LNX1: variants seen among roughly 807,000 people sequenced by gnomAD.
LNX1 encodes the protein E3 ubiquitin-protein ligase LNX.
LNX1 carries 54 observed loss-of-function variants against 68.4 expected under a neutral mutation model. That is an observed-to-expected ratio of 0.79 (90% CI 0.63 to 0.99). The LOEUF is 0.99. LNX1 is among the 50% of genes least tolerant of loss of function. The pLI, the probability that LNX1 is intolerant of heterozygous loss-of-function variation, is 0.00. For synonymous variants in LNX1, 336 were observed against 350.0 expected, an observed-to-expected ratio of 0.96 and a Z score of 0.45; for missense variants, 906 against 926.4, an observed-to-expected ratio of 0.98 and a Z score of 0.29.
In LNX1 at chr4:53,461,044, TAAA is replaced by T; in HGVS notation, c.2052-5_2052-3del. 8.5e-7 allele frequency: 1 copy of T among 1,172,678 alleles called. No individual in the cohort carries two copies. Among genetic ancestry groups the T allele is most frequent in the Non-Finnish European group, 1.2e-6 (1 of 852,528 alleles). 72.6% of individuals were successfully genotyped at this position (1,172,678 alleles called of 1,614,324 possible). On this transcript the variant is annotated splice_polypyrimidine_tract_variant and splice_region_variant and intron_variant, in intron 10 of 10. Coordinates refer to ENST00000263925, the MANE Select transcript of LNX1 (RefSeq NM_001126328.3). ...ACAGCAAGAAGAATATCACCACATC[TAAA>T]AAAAAAAACAAAACAAGATATGATT... is the stretch of plus-strand genomic sequence containing the variant.
upstream of LNX1, among the ~76,000 whole-genome samples, chr4:53,620,644 A>G (rs1329397345): frequency 6.6e-6 from 1 of 152,186 alleles, no homozygotes; most frequent in Non-Finnish European, 1.5e-5. Context: ...CCCGGATTTC[A>G]CCATAATGCA....
At chr4:53,566,908 A>C (rs1363115423) in intron 2 of LNX1, among the ~76,000 whole-genome samples, 1 of 152,318 alleles carries the variant, frequency 6.6e-6, no homozygotes, top group Admixed American at 6.5e-5. Flanking sequence ...AGGCCATTAC[A>C]TAATGGTAAA....
intron 2 of LNX1, among the ~76,000 whole-genome samples, chr4:53,553,418 G>A (rs1298943698): frequency 1.3e-5 from 2 of 152,090 alleles, no homozygotes; most frequent in Non-Finnish European, 2.9e-5. Flanking sequence ...TTGATTTAGA[G>A]CCCTCCAAAT....
intron 1 of LNX1, among the ~76,000 whole-genome samples, chr4:53,630,094 G>C (rs1560700302): frequency 6.6e-6 from 1 of 150,922 alleles, no homozygotes; most frequent in African/African-American, 2.4e-5. Context: ...AAAAAAAGGT[G>C]GGGGGGGCAT....
chr4:53,536,300 G>A (rs938829728), intron 2 of LNX1, among the ~76,000 whole-genome samples: 1 of 146,684 alleles, frequency 6.8e-6, no homozygotes, highest in South Asian at 2.3e-4. Flanking sequence ...CACCTACCTC[G>A]CAGTGCGAAT....
chr4:53,485,548 T>C (rs1482607324), intron 6 of LNX1, among the ~76,000 whole-genome samples: 1 of 152,246 alleles, frequency 6.6e-6, no homozygotes. Context: ...TAAATAATTC[T>C]GGTATCAATT....
At chr4:53,515,972 C>T (rs182643324) in intron 2 of LNX1, among the ~76,000 whole-genome samples, 41 of 152,238 alleles carry the variant, frequency 2.7e-4, no homozygotes, top group African/African-American at 7.7e-4. Flanking sequence ...CACAAAAGGC[C>T]GAGTGTGGTG....
At chr4:53,501,517 T>C (rs1725502540) in intron 4 of LNX1, among the ~76,000 whole-genome samples, 1 of 152,096 alleles carries the variant, frequency 6.6e-6, no homozygotes. Flanking sequence ...ACTCCTGGGC[T>C]CAAGAGATCC....
At chr4:53,545,964 G>A (rs1729088549) in intron 2 of LNX1, among the ~76,000 whole-genome samples, 3 of 151,934 alleles carry the variant, frequency 2.0e-5, no homozygotes, top group Admixed American at 2.0e-4. Flanking sequence ...ACCTCACCAT[G>A]CCCAGATAAT....
intron 8 of LNX1, 135 bp downstream of exon 8, chr4:53,478,430 G>T: frequency 1.3e-6 from 1 of 748,244 alleles, no homozygotes; most frequent in Non-Finnish European, 2.1e-6. Flanking sequence ...ACCAATCATG[G>T]TCAATGGGTA....
At chr4:53,486,400 T>C (rs1034299699) in intron 6 of LNX1, among the ~76,000 whole-genome samples, 1 of 152,166 alleles carries the variant, frequency 6.6e-6, no homozygotes, top group Non-Finnish European at 1.5e-5. Flanking sequence ...CTCTTTTTTC[T>C]ACAGGCCAAG....
rs549132755 is a variant in LNX1, at chr4:53,647,163, G to T, written c.-215+5005C>A. Among the ~76,000 whole-genome samples the T allele has an allele frequency of 4.6e-5, 7 of 152,280 alleles. No individual in the cohort carries two copies. The South Asian group carries it at 1.2e-3, about 27-fold the overall frequency. On this transcript the variant is annotated intron_variant, in intron 1 of 2. Transcript: ENST00000507168. ...CACTGGGTCTGTTTCTCTAAATTTT[G>T]TGTGCAGAACTAGACTATCTGTGTG...
Position 53,536,713 on chromosome 4 carries a change from A to G in LNX1, c.381-28486T>C, listed in dbSNP as rs556839180. Among the ~76,000 whole-genome samples the G allele has an allele frequency of 1.2e-3, 184 of 152,296 alleles. 1 individual carries two copies. The highest frequency in any genetic ancestry group is 2.3e-3 in the Non-Finnish European group (159 of 68,016). ...AAATGCCTCTAAAGAGACTTTGATT[A>G]CACTAAGAAGCAGAAAATGTTCTTG... is the stretch of plus-strand genomic sequence containing the variant. On this transcript the variant is annotated intron_variant, in intron 2 of 10. Transcript: ENST00000263925.
At chr4:53,495,407 G>T (rs1271454588) in intron 6 of LNX1, among the ~76,000 whole-genome samples, 4 of 152,164 alleles carry the variant, frequency 2.6e-5, no homozygotes, top group Non-Finnish European at 4.4e-5. Flanking sequence ...GAGTGATCAA[G>T]AATTTGCGTC....
chr4:53,505,805 G>T (rs142518564), intron 4 of LNX1, among the ~76,000 whole-genome samples: 1 of 152,186 alleles, frequency 6.6e-6, no homozygotes, highest in African/African-American at 2.4e-5. Flanking sequence ...AGGGGGCTGA[G>T]GGAGTGAGGT....
chr4:53,639,333 G>T (rs1734591953), intron 1 of LNX1, among the ~76,000 whole-genome samples: 1 of 152,124 alleles, frequency 6.6e-6, no homozygotes, highest in Non-Finnish European at 1.5e-5. Context: ...TACTACTACA[G>T]CAGGGAGGAG....
Position 53,461,012 on chromosome 4 carries a change from A to G in LNX1, c.2082T>C (p.Gly694=), listed in dbSNP as rs1031892544. 1.3e-6 allele frequency: 2 copies of G among 1,589,134 alleles called. No homozygotes were observed. The highest frequency in any genetic ancestry group is 2.2e-5 in the East Asian group (1 of 44,460). ...CATGTATCATTCCTGATGTACTTCT[A>G]CCATTGACAGCAAGAAGAATATCAC... The part of the protein sequence containing the change: ...RCGDILLAVN[G]RSTSGMIHAC... Residue 694 remains glycine (G), a synonymous_variant, in exon 11 of 11, where the codon GGT becomes GGC. Coordinates refer to ENST00000263925, the MANE Select transcript of LNX1 (RefSeq NM_001126328.3).
intron 2 of LNX1, among the ~76,000 whole-genome samples, chr4:53,513,719 C>T (rs143067453): frequency 7.2e-5 from 11 of 152,284 alleles, no homozygotes; most frequent in African/African-American, 2.6e-4. Flanking sequence ...CATACTGGTC[C>T]AAGCCACCAT....
At chr4:53,507,932 A>G in intron 3 of LNX1, 54 bp downstream of exon 3, 1 of 1,583,196 alleles carries the variant, frequency 6.3e-7, no homozygotes. Flanking sequence ...TATTCCACAG[A>G]GGGCAATCGC....
Sources: gnomAD v4.1 joint callset for allele counts (sites outside exome capture counted in the v4.1 genomes callset) on GRCh38, gnomAD v4.1.1 for gene constraint, MANE v1.5 for transcripts, NCBI Gene and HGNC (gene_info 2026-07-23, HGNC 2026-07-21) for gene names.